ADGRL3: variants seen among roughly 807,000 people sequenced by gnomAD.
ADGRL3 encodes adhesion G protein-coupled receptor L3.
ADGRL3 carries 62 observed loss-of-function variants against 153.5 expected under a neutral mutation model. The observed-to-expected ratio is 0.40, with a 90% CI of 0.33 to 0.50. The LOEUF (loss-of-function observed/expected upper bound fraction) is 0.50, where lower values mean the gene tolerates loss of function less well. ADGRL3 is among the 20% of genes least tolerant of loss of function. The pLI, the probability that ADGRL3 is intolerant of heterozygous loss-of-function variation, is 0.47. For synonymous variants in ADGRL3, 710 were observed against 672.5 expected (o/e 1.06, Z -0.86); for missense variants, 1,641 against 1,859.4 (o/e 0.88, Z 2.16).
rs376497386 is a variant in ADGRL3 at position 61,844,020 on chromosome 4, GAAAAAAA to G, written c.1480+30141_1480+30147del. Among the ~76,000 whole-genome samples the G allele has an allele frequency of 1.7e-5, 2 of 119,948 alleles. 1 individual carries two copies. The highest frequency in any genetic ancestry group is 5.9e-4 in the South Asian group (2 of 3,404). 78.7% of individuals were successfully genotyped at this position (119,948 alleles called of 152,430 possible). On this transcript the variant is annotated intron_variant, in intron 9 of 26. Transcript: ENST00000683033. Reference sequence around the variant, plus strand: ...TGGTGACAGAGCAAAACCCTGTCTTGAAAAAAAAAAAAAAAATCAACAGTAGACTATA... The same window carrying G: ...TGGTGACAGAGCAAAACCCTGTCTTGAAAAAAAAATCAACAGTAGACTATA...
At chr4:62,017,309 T>C (rs1485162542) in intron 21 of ADGRL3, among the ~76,000 whole-genome samples, 3 of 142,400 alleles carry the variant, frequency 2.1e-5, no homozygotes, top group Non-Finnish European at 4.7e-5. Flanking sequence ...ATATTTGCTA[T>C]GAATTTTTTT....
intron 8 of ADGRL3, among the ~76,000 whole-genome samples, chr4:61,749,343 A>T (rs2096719772): frequency 6.6e-6 from 1 of 152,104 alleles, no homozygotes; most frequent in Non-Finnish European, 1.5e-5. Flanking sequence ...CAATTGACCC[A>T]GGCATCCCAT....
chr4:62,017,454 G>A (rs1208684022), intron 21 of ADGRL3, among the ~76,000 whole-genome samples: 3 of 146,806 alleles, frequency 2.0e-5, no homozygotes, highest in Non-Finnish European at 3.0e-5. Context: ...TTTTTTTTTA[G>A]ACTATTAGAC....
At chr4:61,816,716 C>T (rs2097692241) in intron 9 of ADGRL3, among the ~76,000 whole-genome samples, 1 of 152,174 alleles carries the variant, frequency 6.6e-6, no homozygotes, top group Non-Finnish European at 1.5e-5. Flanking sequence ...CTGTCTGGAA[C>T]AGCCGCTGTG....
intron 9 of ADGRL3, among the ~76,000 whole-genome samples, chr4:61,879,834 C>T (rs570133920): frequency 2.6e-5 from 4 of 152,252 alleles, no homozygotes; most frequent in African/African-American, 9.6e-5. Flanking sequence ...ATCCTCCCAC[C>T]TCAGCCTCTC....
intron 1 of ADGRL3, among the ~76,000 whole-genome samples, chr4:61,230,412 C>T (rs1398907084): frequency 6.6e-6 from 1 of 152,124 alleles, no homozygotes; most frequent in East Asian, 1.9e-4. Context: ...TGATTTCTGA[C>T]TTAGTAATGT....
chr4:61,436,693 G>A (rs1173697812), intron 2 of ADGRL3, among the ~76,000 whole-genome samples: 6 of 152,106 alleles, frequency 3.9e-5, no homozygotes, highest in African/African-American at 1.4e-4. Context: ...GAAACATCAT[G>A]GTGGTCCCTA....
intron 2 of ADGRL3, among the ~76,000 whole-genome samples, chr4:61,469,085 A>G (rs1194376208): frequency 6.6e-6 from 1 of 151,976 alleles, no homozygotes; most frequent in Non-Finnish European, 1.5e-5. Context: ...CTATGTTCCT[A>G]TTGGGAAGCC....
chr4:61,336,570 C>G (rs1410469719), intron 1 of ADGRL3, among the ~76,000 whole-genome samples: 1 of 152,008 alleles, frequency 6.6e-6, no homozygotes, highest in East Asian at 1.9e-4. Context: ...GGCTTGTTTT[C>G]CTCAGCGTGT....
At chr4:61,348,393 T>G (rs1314552914) in intron 1 of ADGRL3, among the ~76,000 whole-genome samples, 1 of 152,026 alleles carries the variant, frequency 6.6e-6, no homozygotes, top group Non-Finnish European at 1.5e-5. Flanking sequence ...CATTCTGTAA[T>G]TATTCTTCCC....
At chr4:61,926,934 G>A (rs2098796724) in intron 13 of ADGRL3, among the ~76,000 whole-genome samples, 1 of 152,058 alleles carries the variant, frequency 6.6e-6, no homozygotes. Context: ...TTTCACCTCT[G>A]TGCCTGTAAG....
At chr4:61,744,216 G>A (rs534306531) in intron 8 of ADGRL3, among the ~76,000 whole-genome samples, 53 of 152,284 alleles carry the variant, frequency 3.5e-4, no homozygotes, top group African/African-American at 1.2e-3. Flanking sequence ...AGGGAAACTC[G>A]AACTGGGAGG....
chr4:61,212,832 A>G (rs1740737121), intron 1 of ADGRL3, among the ~76,000 whole-genome samples: 1 of 152,174 alleles, frequency 6.6e-6, no homozygotes, highest in African/African-American at 2.4e-5. Flanking sequence ...AAAAATTAGT[A>G]TGCTGTCAAC....
intron 4 of ADGRL3, among the ~76,000 whole-genome samples, chr4:61,534,073 T>A (rs763424201): frequency 1.3e-5 from 2 of 152,102 alleles, no homozygotes; most frequent in African/African-American, 2.4e-5. Context: ...GGGTTTTTGT[T>A]GTTTCAGGTT....
At chr4:62,030,858 A>G (rs1018878916) in intron 22 of ADGRL3, among the ~76,000 whole-genome samples, 1 of 151,538 alleles carries the variant, frequency 6.6e-6, no homozygotes, top group Non-Finnish European at 1.5e-5. Flanking sequence ...TACTTTTTCC[A>G]TCTACTATCC....
At chr4:61,958,152 G>A (rs2098974476) in intron 17 of ADGRL3, among the ~76,000 whole-genome samples, 3 of 152,226 alleles carry the variant, frequency 2.0e-5, no homozygotes, top group South Asian at 4.1e-4. Flanking sequence ...TCTCTAGACT[G>A]TGACTTCCTC....
chr4:61,331,779 G>A (rs144040308), intron 1 of ADGRL3, among the ~76,000 whole-genome samples: 1 of 151,858 alleles, frequency 6.6e-6, no homozygotes, highest in Non-Finnish European at 1.5e-5. Flanking sequence ...CCTAATAAAG[G>A]TATGAAAATA....
At chr4:61,811,116 G>A (rs1428269446) in intron 8 of ADGRL3, among the ~76,000 whole-genome samples, 1 of 152,056 alleles carries the variant, frequency 6.6e-6, no homozygotes. Flanking sequence ...ATTACCATAT[G>A]ACACAGTAAA....
chr4:61,964,840 A>G (rs1036271916), intron 17 of ADGRL3, among the ~76,000 whole-genome samples: 4 of 152,156 alleles, frequency 2.6e-5, no homozygotes, highest in African/African-American at 7.2e-5. Context: ...CAGAAGAAAC[A>G]TAGAAACCTT....
Sources: allele counts gnomAD v4.1 joint callset (sites outside exome capture counted in the v4.1 genomes callset), GRCh38; gene constraint gnomAD v4.1.1; transcripts MANE v1.5; gene names NCBI Gene and HGNC (gene_info 2026-07-23, HGNC 2026-07-21).